KCNIP4: variants seen among roughly 807,000 people sequenced by gnomAD.
KCNIP4 encodes the protein potassium voltage-gated channel interacting protein 4.
KCNIP4 carries 12 observed loss-of-function variants against 34.0 expected under a neutral mutation model. That is an observed-to-expected ratio of 0.35 (90% CI 0.23 to 0.57). The LOEUF (loss-of-function observed/expected upper bound fraction) is 0.57. Ranked by LOEUF, KCNIP4 falls within the 20% of genes least tolerant of loss-of-function variation. KCNIP4 has a pLI of 0.83. For synonymous variants in KCNIP4, 124 were observed against 102.2 expected, an observed-to-expected ratio of 1.21 and a Z score of -1.29; for missense variants, 238 against 311.7, an observed-to-expected ratio of 0.76 and a Z score of 1.78.
chr4:21,872,681 G>A (rs747649760), intron 1 of KCNIP4, among the ~76,000 whole-genome samples: 62 of 152,306 alleles, frequency 4.1e-4, no homozygotes, highest in African/African-American at 1.2e-3. Context: ...CACTCTTTCT[G>A]TGTCTCAAAT....
At chr4:20,972,156 T>A (rs1431914629) in intron 1 of KCNIP4, among the ~76,000 whole-genome samples, 2 of 152,196 alleles carry the variant, frequency 1.3e-5, no homozygotes, top group Non-Finnish European at 2.9e-5. Flanking sequence ...ATTGAACCCC[T>A]CAAAATCATT....
Position 21,205,010 on chromosome 4 carries a change from G to A in KCNIP4, c.62-322301C>T, listed in dbSNP as rs140967073. Among the ~76,000 whole-genome samples, 26 of 152,304 alleles carry A rather than the reference G, an allele frequency of 1.7e-4. 1 individual carries two copies. The East Asian group carries it at 4.4e-3, about 26-fold the overall frequency. On this transcript the variant is annotated intron_variant, in intron 1 of 8. Coordinates refer to ENST00000382152, the MANE Select transcript of KCNIP4 (RefSeq NM_025221.6). ...TTTTAAAAGTTCCACTGGGAGGTAA[G>A]AAAAGAAGGAATATATTTGCTCTGT... is the stretch of plus-strand genomic sequence containing the variant.
chr4:20,864,309 T>C (rs572481714), intron 2 of KCNIP4, among the ~76,000 whole-genome samples: 1 of 151,362 alleles, frequency 6.6e-6, no homozygotes, highest in African/African-American at 2.4e-5. Flanking sequence ...TGTATGCATA[T>C]ATACATACGT....
intron 1 of KCNIP4, among the ~76,000 whole-genome samples, chr4:21,596,768 A>T (rs1415302877): frequency 1.3e-5 from 2 of 152,098 alleles, no homozygotes; most frequent in Non-Finnish European, 2.9e-5. Flanking sequence ...CCCCTCAGTA[A>T]AACCTTACTT....
intron 1 of KCNIP4, among the ~76,000 whole-genome samples, chr4:21,294,440 C>A (rs959533596): frequency 6.6e-6 from 1 of 152,102 alleles, no homozygotes; most frequent in African/African-American, 2.4e-5. Context: ...GCCTGTGTAC[C>A]AGTAAACCTT....
At chr4:20,953,154 TTGTC>T (rs1254474066) in intron 1 of KCNIP4, among the ~76,000 whole-genome samples, 2 of 152,250 alleles carry the variant, frequency 1.3e-5, no homozygotes, top group Non-Finnish European at 2.9e-5. Flanking sequence ...ATTTGAATCT[TTGTC>T]TGTTTGACTC....
At chr4:21,902,533 C>A (rs962294837) in intron 1 of KCNIP4, among the ~76,000 whole-genome samples, 3 of 151,944 alleles carry the variant, frequency 2.0e-5, no homozygotes, top group Non-Finnish European at 4.4e-5. Flanking sequence ...GACATTCCAG[C>A]TGAATCCCAG....
At chr4:21,928,875 C>G (rs1223252736) in intron 1 of KCNIP4, among the ~76,000 whole-genome samples, 1 of 139,422 alleles carries the variant, frequency 7.2e-6, no homozygotes, top group Admixed American at 7.9e-5. Flanking sequence ...CGAGATCAAC[C>G]TAACAACAAC....
At position 21,430,843 on chromosome 4, in the gene KCNIP4, C is replaced by A. The variant is rs1279633879; in HGVS notation, c.61+517728G>T. Among the ~76,000 whole-genome samples, 4 of 139,140 alleles carry A rather than the reference C, an allele frequency of 2.9e-5. No individual in the cohort carries two copies. In the South Asian group the frequency reaches 8.4e-4, roughly 29 times the overall value. The allele number at this position is 139,140 out of a possible 152,430, so 91.3% of individuals were successfully genotyped here. The stretch of plus-strand genomic sequence containing the variant: ...AGCTCTTTTCACCCACACTATACTG[C>A]TTCTAAATTGGATCATGGAATACGA... On this transcript the variant is annotated intron_variant, in intron 1 of 8. Coordinates refer to ENST00000382152, the MANE Select transcript of KCNIP4 (RefSeq NM_025221.6).
intron 1 of KCNIP4, among the ~76,000 whole-genome samples, chr4:21,556,484 C>T (rs1739018370): frequency 6.6e-6 from 1 of 152,086 alleles, no homozygotes; most frequent in Non-Finnish European, 1.5e-5. Flanking sequence ...TTAGCCTTCT[C>T]AAGGATGACA....
intron 1 of KCNIP4, among the ~76,000 whole-genome samples, chr4:21,784,157 C>T (rs1719750863): frequency 6.6e-6 from 1 of 151,902 alleles, no homozygotes; most frequent in South Asian, 2.1e-4. Flanking sequence ...GTCGAAGTGC[C>T]AGATACTTAT....
At chr4:21,692,331 G>A (rs1711749219) in intron 1 of KCNIP4, among the ~76,000 whole-genome samples, 1 of 152,152 alleles carries the variant, frequency 6.6e-6, no homozygotes, top group East Asian at 1.9e-4. Context: ...GTTTAAATCA[G>A]AGATCATGTA....
chr4:21,890,391 A>G (rs1260108329), intron 1 of KCNIP4, among the ~76,000 whole-genome samples: 1 of 152,140 alleles, frequency 6.6e-6, no homozygotes, highest in East Asian at 1.9e-4. Flanking sequence ...CTCTCCTTGA[A>G]TCCCTTAAGT....
intron 1 of KCNIP4, chr4:20,983,860 T>G: frequency 6.5e-7 from 1 of 1,536,382 alleles, no homozygotes. Context: ...GCTTCAGAGA[T>G]GCACATATAA....
intron 1 of KCNIP4, among the ~76,000 whole-genome samples, chr4:21,067,488 G>T (rs770570641): frequency 6.6e-6 from 1 of 152,126 alleles, no homozygotes; most frequent in Non-Finnish European, 1.5e-5. Context: ...CTCCCAGATG[G>T]CATCTCTGGG....
intron 1 of KCNIP4, among the ~76,000 whole-genome samples, chr4:21,148,241 A>G (rs1752524646): frequency 6.6e-6 from 1 of 152,180 alleles, no homozygotes; most frequent in Non-Finnish European, 1.5e-5. Flanking sequence ...ATGCTTTATG[A>G]CATTGTATAT....
intron 1 of KCNIP4, among the ~76,000 whole-genome samples, chr4:21,859,958 T>C (rs1724978644): frequency 6.6e-6 from 1 of 152,118 alleles, no homozygotes; most frequent in South Asian, 2.1e-4. Flanking sequence ...GAAGGATTGC[T>C]TGAGCCCTGG....
intron 1 of KCNIP4, among the ~76,000 whole-genome samples, chr4:21,227,947 T>G (rs1758523293): frequency 6.6e-6 from 1 of 151,736 alleles, no homozygotes; most frequent in South Asian, 2.1e-4. Context: ...TTGTTCCTTA[T>G]TTTTTTTCTG....
chr4:21,456,207 T>G (rs571959423), intron 1 of KCNIP4, among the ~76,000 whole-genome samples: 1 of 147,502 alleles, frequency 6.8e-6, no homozygotes, highest in East Asian at 2.0e-4. Context: ...TTAAGTAATT[T>G]CCCCAAATCC....
Sources: gnomAD v4.1 joint callset for allele counts (sites outside exome capture counted in the v4.1 genomes callset) on GRCh38, gnomAD v4.1.1 for gene constraint, MANE v1.5 for transcripts, NCBI Gene and HGNC (gene_info 2026-07-23, HGNC 2026-07-21) for gene names.